TMEM132D: variants seen among roughly 807,000 people sequenced by gnomAD.
TMEM132D encodes the protein transmembrane protein 132D, also known as mature OL transmembrane protein.
In TMEM132D, 21 loss-of-function variants were observed where a neutral mutation model predicts 62.3. That is an observed-to-expected ratio of 0.34 (90% CI 0.24 to 0.49). TMEM132D has a LOEUF of 0.49. Ranked by LOEUF, TMEM132D falls within the 20% of genes least tolerant of loss-of-function variation. TMEM132D has a pLI of 0.99. For synonymous variants in TMEM132D, 621 were observed against 575.6 expected (o/e 1.08, Z -1.13); for missense variants, 1,346 against 1,402.8 (o/e 0.96, Z 0.65).
At chr12:129,607,327 A>G (rs1436871798) in intron 2 of TMEM132D, among the ~76,000 whole-genome samples, 1 of 152,184 alleles carries the variant, frequency 6.6e-6, no homozygotes, top group Admixed American at 6.5e-5. Flanking sequence ...TCCTCGCAGC[A>G]AAAACCTGCG....
intron 3 of TMEM132D, among the ~76,000 whole-genome samples, chr12:129,486,354 G>A (rs1874579027): frequency 6.6e-6 from 1 of 152,024 alleles, no homozygotes; most frequent in African/African-American, 2.4e-5. Flanking sequence ...TCTTTCTTCT[G>A]GGTGAATCCA....
chr12:129,197,522 G>A (rs1269767954), intron 5 of TMEM132D, among the ~76,000 whole-genome samples: 1 of 152,146 alleles, frequency 6.6e-6, no homozygotes, highest in Non-Finnish European at 1.5e-5. Flanking sequence ...TCCAACAAAG[G>A]TTCCAGGAAC....
chr12:129,223,379 C>A (rs1332786029), intron 4 of TMEM132D, among the ~76,000 whole-genome samples: 6 of 152,134 alleles, frequency 3.9e-5, no homozygotes, highest in Non-Finnish European at 8.8e-5. Flanking sequence ...AAGCCCTGGC[C>A]ACATGGAGAG....
At chr12:129,333,155 C>T (rs1220021561) in intron 4 of TMEM132D, among the ~76,000 whole-genome samples, 1 of 152,200 alleles carries the variant, frequency 6.6e-6, no homozygotes, top group Non-Finnish European at 1.5e-5. Context: ...ATTAAAACAA[C>T]ATTGAGATAT....
rs12422678 is a variant in TMEM132D, at chr12:129,233,640, T to C, written c.1300-23977A>G. On this transcript the variant is annotated intron_variant, in intron 4 of 8. Coordinates refer to ENST00000422113, the MANE Select transcript of TMEM132D (RefSeq NM_133448.3). ...TTTTAAATTTTATTTATTTATTTAT[T>C]TTTGAGACAGAGTTTCACTCTTGTT... Among the ~76,000 whole-genome samples the C allele has an allele frequency of 6.8e-3, 1,039 of 152,220 alleles. 32 individuals carry two copies. Among genetic ancestry groups the C allele is most frequent in the Admixed American group, 0.055 (838 of 15,286 alleles).
chr12:129,517,314 C>T (rs1875711751), intron 3 of TMEM132D, among the ~76,000 whole-genome samples: 1 of 152,148 alleles, frequency 6.6e-6, no homozygotes, highest in South Asian at 2.1e-4. Flanking sequence ...TTGAAACAAG[C>T]TCTAGGTAAA....
At chr12:129,412,892 C>T (rs2135706709) in intron 3 of TMEM132D, among the ~76,000 whole-genome samples, 1 of 152,136 alleles carries the variant, frequency 6.6e-6, no homozygotes, top group African/African-American at 2.4e-5. Context: ...GAAAGCCACA[C>T]TTTTAGGATG....
intron 3 of TMEM132D, among the ~76,000 whole-genome samples, chr12:129,482,810 A>C (rs1874467058): frequency 6.6e-6 from 1 of 152,058 alleles, no homozygotes; most frequent in African/African-American, 2.4e-5. Context: ...AATTCTGAAA[A>C]GTTTCATTAG....
At chr12:129,244,398 A>C (rs1593309516) in intron 4 of TMEM132D, among the ~76,000 whole-genome samples, 1 of 149,414 alleles carries the variant, frequency 6.7e-6, no homozygotes, top group Non-Finnish European at 1.5e-5. Flanking sequence ...AAAAAAAAAA[A>C]AAAAAAAAAA....
At chr12:129,431,231 T>C (rs1012812290) in intron 3 of TMEM132D, among the ~76,000 whole-genome samples, 2 of 152,244 alleles carry the variant, frequency 1.3e-5, no homozygotes, top group Non-Finnish European at 2.9e-5. Context: ...GGAGCTTCAG[T>C]AACTTACTCG....
intron 1 of TMEM132D, among the ~76,000 whole-genome samples, chr12:129,899,132 A>G (rs1299309146): frequency 7.1e-4 from 94 of 133,264 alleles, no homozygotes; most frequent in African/African-American, 2.0e-3. Flanking sequence ...TGGAATGATG[A>G]ATGGATGGAT....
chr12:129,501,506 ATTTT>A (rs1369832048), intron 3 of TMEM132D, among the ~76,000 whole-genome samples: 1 of 152,028 alleles, frequency 6.6e-6, no homozygotes, highest in South Asian at 2.1e-4. Context: ...GATTTTTTTA[ATTTT>A]TTTTATTTTT....
chr12:129,562,243 A>C (rs899880929), intron 2 of TMEM132D, among the ~76,000 whole-genome samples: 1 of 152,182 alleles, frequency 6.6e-6, no homozygotes, highest in African/African-American at 2.4e-5. Context: ...ATCTGGGTTC[A>C]TGTGTTTGAA....
intron 3 of TMEM132D, among the ~76,000 whole-genome samples, chr12:129,524,215 A>G (rs1875942428): frequency 1.3e-5 from 2 of 152,052 alleles, no homozygotes; most frequent in South Asian, 4.2e-4. Flanking sequence ...CATGTACCCT[A>G]AAACTTAAAG....
chr12:129,483,683 G>A (rs894483047), intron 3 of TMEM132D, among the ~76,000 whole-genome samples: 4 of 152,256 alleles, frequency 2.6e-5, no homozygotes, highest in Admixed American at 6.5e-5. Context: ...GAAACGAAAC[G>A]TGTGGCTTCT....
rs1296699112 is a variant in TMEM132D, at chr12:129,779,256, A to C, written c.80-78558T>G. On this transcript the variant is annotated intron_variant, in intron 1 of 8. Coordinates refer to ENST00000422113, the MANE Select transcript of TMEM132D (RefSeq NM_133448.3). This position sits in a 1 kb window ranked among gnomAD's most constrained non-coding sequence, Gnocchi z 4.1. ...CACCCAGCTACAAGCAGTACCAGGA[A>C]ATGAAGCTTTTATTCCAGCTGGCCA... is the stretch of plus-strand genomic sequence containing the variant. Among the ~76,000 whole-genome samples the C allele has an allele frequency of 1.3e-5, 2 of 152,168 alleles. No homozygotes were observed. The highest frequency in any genetic ancestry group is 2.4e-5 in the African/African-American group (1 of 41,430).
chr12:129,423,425 G>A (rs972627391), intron 3 of TMEM132D, among the ~76,000 whole-genome samples: 6 of 152,162 alleles, frequency 3.9e-5, no homozygotes, highest in African/African-American at 9.7e-5. Context: ...CCGGCAACAC[G>A]CTCACTGGGG....
rs570771862 is a variant in TMEM132D, at chr12:129,415,271, C to T, written c.1116-77454G>A. ...CTACCATTTTCTGTAATGCCTGTAC[C>T]AATTTATATTCCCAGCACCAGTGTA... On this transcript the variant is annotated intron_variant, in intron 3 of 8. Transcript: ENST00000422113. 2.1e-3 allele frequency among the ~76,000 whole-genome samples: 315 copies of T among 152,242 alleles called. 2 individuals carry two copies. The highest frequency in any genetic ancestry group is 3.3e-3 in the Non-Finnish European group (227 of 68,004).
chr12:129,405,242 T>C (rs1593367053), intron 3 of TMEM132D, among the ~76,000 whole-genome samples: 1 of 151,896 alleles, frequency 6.6e-6, no homozygotes, highest in Non-Finnish European at 1.5e-5. Flanking sequence ...TGCGGACAGG[T>C]GCCTTCTCGT....
Sources: gnomAD v4.1 joint callset for allele counts (sites outside exome capture counted in the v4.1 genomes callset) on GRCh38, gnomAD v4.1.1 for gene constraint, Gnocchi (gnomAD v3.1) non-coding constraint, MANE v1.5 for transcripts, NCBI Gene and HGNC (gene_info 2026-07-23, HGNC 2026-07-21) for gene names.